Variants in FGD6 observed in about 807,000 individuals in gnomAD.
FGD6 encodes FYVE, RhoGEF and PH domain-containing protein 6.
FGD6 carries 90 observed loss-of-function variants against 149.4 expected under a neutral mutation model. The observed-to-expected ratio is 0.60, with a 90% CI of 0.51 to 0.72. The LOEUF (loss-of-function observed/expected upper bound fraction) is 0.72. Among genes scored for constraint, FGD6 ranks in the 30% least tolerant of loss-of-function variants. The pLI is 0.00. For missense variants in FGD6, 1,437 were observed against 1,684.8 expected, an observed-to-expected ratio of 0.85 and a Z score of 2.57; for synonymous variants, 527 against 584.0, an observed-to-expected ratio of 0.90 and a Z score of 1.41.
chr12:95,156,871 CG>C (rs1460429621), intron 3 of FGD6, among the ~76,000 whole-genome samples: 1 of 151,978 alleles, frequency 6.6e-6, no homozygotes, highest in African/African-American at 2.4e-5. Flanking sequence ...GGGTGAATTC[CG>C]CCCAATATCT....
chr12:95,119,650 G>A (rs547760923), intron 8 of FGD6, among the ~76,000 whole-genome samples: 7 of 152,178 alleles, frequency 4.6e-5, no homozygotes, highest in East Asian at 1.9e-4. Context: ...TAGCACTGTC[G>A]GCTGGTGTGG....
rs562244985 is a variant in FGD6 at position 95,126,174 on chromosome 12, T to C, written c.3082+8565A>G. The C allele has an allele frequency of 2.4e-5, 26 of 1,076,320 alleles. No homozygotes were observed. The East Asian group carries it at 5.7e-4, about 24-fold the overall frequency. 66.7% of individuals were successfully genotyped at this position (1,076,320 alleles called of 1,614,324 possible). A position where few individuals can be genotyped will look rare whatever the true frequency, so the allele number is the denominator to read the frequency against. The stretch of plus-strand genomic sequence containing the variant: ...TCAAAAGGAAGCTCTCCTGAAAGCT[T>C]CTCTCAAAAAAGCACCTGTTGCTAA... On this transcript the variant is annotated intron_variant, in intron 8 of 20. Transcript: ENST00000343958.
In FGD6 at chr12:95,209,339, A is replaced by G. The variant is rs1176243538; in HGVS notation, c.1945T>C (p.Ser649Pro). 6.2e-7 allele frequency: 1 copy of G among 1,612,866 alleles called. No homozygotes were observed. The highest frequency in any genetic ancestry group is 1.3e-5 in the African/African-American group (1 of 74,824). Residue 649 changes from serine (S) to proline (P), a missense_variant, in exon 2 of 21, where the codon TCC becomes CCC. Physicochemically the swap from Ser to Pro is moderately conservative, Grantham distance 74 (BLOSUM62 -1). This residue lies in a region of FGD6 where 1,055 missense variants were observed against 1,146.0 expected (regional missense o/e 0.92). Transcript: ENST00000343958. Reference sequence around the variant, plus strand: ...GTGTCTCCGAGTTGGCTACTCTTGGACCAAAATTTTTGAAAGTCACTCTTC... The same window carrying G: ...GTGTCTCCGAGTTGGCTACTCTTGGGCCAAAATTTTTGAAAGTCACTCTTC... Reference protein sequence around the residue: ...FMKSDFQKFWSKSSQLGDTTT... With the variant: ...FMKSDFQKFWPKSSQLGDTTT...
chr12:95,200,185 AC>A (rs1565922501), intron 2 of FGD6, among the ~76,000 whole-genome samples: 5 of 151,722 alleles, frequency 3.3e-5, no homozygotes, highest in African/African-American at 1.2e-4. Flanking sequence ...ATCAAAAAAA[AC>A]TGACTTCAAA....
chr12:95,125,839 T>C (rs1879321748), intron 8 of FGD6: 1 of 1,023,214 alleles, frequency 9.8e-7, no homozygotes, highest in African/African-American at 1.6e-5. Flanking sequence ...TTCATTGTGA[T>C]CATAGATGTT....
chr12:95,214,569 C>T (rs2056743197), intron 1 of FGD6, among the ~76,000 whole-genome samples: 1 of 152,130 alleles, frequency 6.6e-6, no homozygotes, highest in African/African-American at 2.4e-5. Context: ...AATACTGCAT[C>T]AACAGTCAGA....
intron 14 of FGD6, among the ~76,000 whole-genome samples, chr12:95,103,527 T>C (rs571359783): frequency 1.3e-5 from 2 of 152,262 alleles, no homozygotes; most frequent in East Asian, 1.9e-4. Flanking sequence ...ATGGATTTCT[T>C]TTCCCGCCCT....
chr12:95,094,327 T>A (rs1251263759), intron 15 of FGD6, among the ~76,000 whole-genome samples: 1 of 152,166 alleles, frequency 6.6e-6, no homozygotes. Flanking sequence ...TTAAACTGTT[T>A]CGTATTTTCT....
chr12:95,165,268 C>T (rs1230744694), intron 3 of FGD6, among the ~76,000 whole-genome samples: 1 of 151,858 alleles, frequency 6.6e-6, no homozygotes, highest in Non-Finnish European at 1.5e-5. Flanking sequence ...TTGTATAAGA[C>T]TCCTTTTCTT....
At chr12:95,098,627 C>T (rs971643712) in intron 14 of FGD6, among the ~76,000 whole-genome samples, 2 of 152,132 alleles carry the variant, frequency 1.3e-5, no homozygotes, top group African/African-American at 2.4e-5. Context: ...TTCCTTTTTC[C>T]TCTTTGCCCC....
At chr12:95,125,086 G>A (rs1455897227) in intron 8 of FGD6, among the ~76,000 whole-genome samples, 1 of 151,766 alleles carries the variant, frequency 6.6e-6, no homozygotes, top group Non-Finnish European at 1.5e-5. Flanking sequence ...TTAATCTTAT[G>A]TAGTTTATTC....
At chr12:95,206,162 C>T (rs1270758725) in intron 2 of FGD6, among the ~76,000 whole-genome samples, 3 of 152,016 alleles carry the variant, frequency 2.0e-5, no homozygotes, top group African/African-American at 7.3e-5. Context: ...ACAGAAAACA[C>T]ACCCCAATGG....
intron 15 of FGD6, among the ~76,000 whole-genome samples, chr12:95,093,947 G>C (rs1198460193): frequency 2.0e-5 from 3 of 151,878 alleles, no homozygotes; most frequent in Non-Finnish European, 1.5e-5. Flanking sequence ...AAAACCAGAG[G>C]TCAGGAGTTT....
At position 95,209,450 on chromosome 12, in the gene FGD6, C is replaced by T; in HGVS notation, c.1834G>A (p.Glu612Lys). 1 of 1,612,354 alleles carries T rather than the reference C, an allele frequency of 6.2e-7. No individual in the cohort carries two copies. Among genetic ancestry groups the T allele is most frequent in the Non-Finnish European group, 8.5e-7 (1 of 1,179,142 alleles). ...RAKSLSAMDV[E>K]KCTKPCKDST... ...TCTTTGCAAGGCTTAGTGCACTTTT[C>T]CACATCCATAGCAGATAACGATTTT... Residue 612 changes from glutamate to lysine, a missense_variant, in exon 2 of 21, where the codon GAA (glutamate) becomes AAA (lysine). Transcript: ENST00000343958.
At chr12:95,160,440 CCCCTACTCATACG>C (rs1451746323) in intron 3 of FGD6, among the ~76,000 whole-genome samples, 1 of 152,106 alleles carries the variant, frequency 6.6e-6, no homozygotes, top group African/African-American at 2.4e-5. Context: ...GGCATGGTAG[CCCCTACTCATACG>C]GTGTGAAAAA....
At chr12:95,186,640 T>G (rs1244789479) in intron 2 of FGD6, among the ~76,000 whole-genome samples, 1 of 152,202 alleles carries the variant, frequency 6.6e-6, no homozygotes, top group Non-Finnish European at 1.5e-5. Flanking sequence ...TCACTGCTTT[T>G]GCACTACATT....
intron 2 of FGD6, among the ~76,000 whole-genome samples, chr12:95,182,104 C>T (rs1331532095): frequency 6.6e-6 from 1 of 152,004 alleles, no homozygotes; most frequent in Non-Finnish European, 1.5e-5. Flanking sequence ...ACTGTCTGTT[C>T]CTACTTGATG....
intron 8 of FGD6, among the ~76,000 whole-genome samples, chr12:95,129,227 G>A (rs918630426): frequency 6.6e-6 from 1 of 152,134 alleles, no homozygotes; most frequent in East Asian, 1.9e-4. Flanking sequence ...TTTTGTGACT[G>A]GATGACTGAA....
intron 2 of FGD6, among the ~76,000 whole-genome samples, chr12:95,186,228 CTTTTTTTTTTTTTTTTTTT>C (rs1174763781): frequency 2.6e-4 from 10 of 39,002 alleles, no homozygotes; most frequent in Non-Finnish European, 4.5e-4. Flanking sequence ...TATTCTTCTT[CTTTTTTTTTTTTTTTTTTT>C]TTTTTTTTTT....
Sources: gnomAD v4.1 joint callset for allele counts (sites outside exome capture counted in the v4.1 genomes callset) on GRCh38, gnomAD v4.1.1 for gene constraint, gnomAD v4.1.1 regional missense constraint, MANE v1.5 for transcripts, NCBI Gene and HGNC (gene_info 2026-07-23, HGNC 2026-07-21) for gene names.